SF3A3: variants seen among roughly 807,000 people sequenced by gnomAD.
The protein encoded by SF3A3 is SAP 61.
Under a neutral mutation model 85.8 loss-of-function variants are expected in SF3A3, and 9 were observed. The observed-to-expected ratio is 0.10, with a 90% confidence interval of 0.06 to 0.18. The LOEUF (loss-of-function observed/expected upper bound fraction) is 0.18, where lower values mean the gene tolerates loss of function less well. Ranked by LOEUF, SF3A3 falls within the 10% of genes least tolerant of loss-of-function variation. The pLI is 1.00. For synonymous variants in SF3A3, 195 were observed against 204.4 expected (o/e 0.95, Z 0.39); for missense variants, 306 against 593.3 (o/e 0.52, Z 5.03).
At chr1:37,964,565 G>A (rs1646285735) in intron 15 of SF3A3, among the ~76,000 whole-genome samples, 1 of 152,024 alleles carries the variant, frequency 6.6e-6, no homozygotes, top group Non-Finnish European at 1.5e-5. Context: ...CTGAGATCAC[G>A]CCACTGCACT....
In SF3A3 at chr1:37,984,787, GA is replaced by G; in HGVS notation, c.304-9del. The G allele has an allele frequency of 6.2e-7, 1 of 1,611,506 alleles. No homozygotes were observed. Among genetic ancestry groups the G allele is most frequent in the Non-Finnish European group, 8.5e-7 (1 of 1,177,712 alleles). Reference sequence around the variant, plus strand: ...TGACATTGGCACACAGATCTGAGGGGAAAAGTAAAAGCTCAGGTGGATTTTT... The same window carrying G: ...TGACATTGGCACACAGATCTGAGGGGAAAGTAAAAGCTCAGGTGGATTTTT... On this transcript the variant is annotated splice_polypyrimidine_tract_variant and intron_variant, in intron 4 of 16. Transcript: ENST00000373019.
chr1:37,984,955 A>G (rs4615810), intron 4 of SF3A3, among the ~76,000 whole-genome samples, 176 bp from the exon 5 acceptor site: 152,057 of 152,276 alleles, frequency 1, 75,921 homozygotes, highest in Middle Eastern at 1. Context: ...TTATAGGCAC[A>G]CACCACCACG....
At chr1:37,966,517 T>C (rs1646301364) in intron 15 of SF3A3, among the ~76,000 whole-genome samples, 1 of 152,164 alleles carries the variant, frequency 6.6e-6, no homozygotes, top group South Asian at 2.1e-4. Flanking sequence ...CATACAACCA[T>C]TCAATCAAAA....
rs369264451 is a variant in SF3A3 at position 37,979,730 on chromosome 1, G to C, written c.691-197C>G. Among the ~76,000 whole-genome samples the C allele has an allele frequency of 1.4e-4, 21 of 152,238 alleles. No individual in the cohort carries two copies. The East Asian group carries it at 1.9e-3, about 14-fold the overall frequency. ...GAATTAGCTGGGCATGATGGCATGT[G>C]CCTGTGGTCCCAGCTACTCAGGAGT... On this transcript the variant is annotated intron_variant, in intron 8 of 16. Coordinates refer to ENST00000373019, the MANE Select transcript of SF3A3 (RefSeq NM_006802.4).
In SF3A3 at chr1:37,981,731, C is replaced by G. The variant is rs746948699; in HGVS notation, c.549G>C (p.Lys183Asn). Residue 183 changes from lysine to asparagine, a missense_variant and splice_region_variant, in exon 7 of 17, where the codon AAG becomes AAC. Lys to Asn is a moderately conservative substitution (Grantham distance 94). Coordinates refer to ENST00000373019, the MANE Select transcript of SF3A3 (RefSeq NM_006802.4). The part of the protein sequence containing the change: ...IPKERKNAEY[K>N]RYLEMLLEYL... ...GCCTAGAAACTATTAATGCCTACCT[C>G]TTATACTCTGCATTCTTCCTTTCTT... 1 of 1,544,696 alleles carries G rather than the reference C, an allele frequency of 6.5e-7. No individual in the cohort carries two copies. Among genetic ancestry groups the G allele is most frequent in the Non-Finnish European group, 8.9e-7 (1 of 1,118,514 alleles).
At chr1:37,961,757 G>A (rs1273621888) in intron 15 of SF3A3, among the ~76,000 whole-genome samples, 1 of 1,544 alleles carries the variant, frequency 6.5e-4, no homozygotes, top group Non-Finnish European at 1.7e-3. Flanking sequence ...AAGCAAGACT[G>A]CCAAAAAAAA....
chr1:37,974,403 T>C (rs1337528127), intron 12 of SF3A3, among the ~76,000 whole-genome samples: 7 of 150,950 alleles, frequency 4.6e-5, no homozygotes, highest in East Asian at 3.9e-4. Context: ...CCTGGGTTCA[T>C]GCCATTCTCC....
At chr1:37,969,858 A>G in intron 12 of SF3A3, 123 bp from the exon 13 acceptor site, 4 of 1,063,122 alleles carry the variant, frequency 3.8e-6, no homozygotes, top group Non-Finnish European at 4.0e-6. Flanking sequence ...TTCTTACAGA[A>G]TAAAGGAAAA....
At chr1:37,961,901 C>CA (rs936263376) in intron 15 of SF3A3, among the ~76,000 whole-genome samples, 3 of 150,772 alleles carry the variant, frequency 2.0e-5, no homozygotes, top group Non-Finnish European at 4.4e-5. Context: ...GCCTGACCAA[C>CA]ATGGAGAAAC....
At chr1:37,976,624 A>G (rs1486902613) in intron 12 of SF3A3, among the ~76,000 whole-genome samples, 1 of 152,050 alleles carries the variant, frequency 6.6e-6, no homozygotes, top group Non-Finnish European at 1.5e-5. Flanking sequence ...AATCTGCACT[A>G]TTCTGGACAT....
chr1:37,959,198 C>G (rs1646240555), intron 16 of SF3A3, among the ~76,000 whole-genome samples: 1 of 151,202 alleles, frequency 6.6e-6, no homozygotes. Context: ...CCTGCTTCAG[C>G]CTCCTGAACA....
chr1:37,984,741 C>T lies in SF3A3; in HGVS notation c.342G>A (p.Leu114=). The change falls in exon 5 of 17, where the codon CTG becomes CTA. Residue 114 remains leucine, a synonymous_variant. Coordinates refer to ENST00000373019, the MANE Select transcript of SF3A3 (RefSeq NM_006802.4). ...VPMSVEFEEL[L]KARENPSEEA... ...CTTCACTTGGATTCTCTCGAGCCTT[C>T]AGGAGTTCCTCAAATTCCACTGACA... 1.2e-6 allele frequency: 2 copies of T among 1,613,982 alleles called. No homozygotes were observed. The highest frequency in any genetic ancestry group is 1.7e-6 in the Non-Finnish European group (2 of 1,179,826).
At chr1:37,981,849 G>GT (rs749440507) in intron 6 of SF3A3, 38 bp from the exon 7 acceptor site, 17 of 1,160,306 alleles carry the variant, frequency 1.5e-5, no homozygotes, top group Non-Finnish European at 2.0e-5. Context: ...ATTCAGTTAG[G>GT]TATTTATACT....
chr1:37,969,441 C>T lies in SF3A3; in HGVS notation c.1194G>A (p.Lys398=), dbSNP rs947454252. Residue 398 remains lysine (K), a synonymous_variant, in exon 14 of 17, where the codon AAG becomes AAA. Transcript: ENST00000373019. The stretch of plus-strand genomic sequence containing the variant: ...TGTAGTTGATATTTAGGCCATGAAG[C>T]TTATACAGCCAGTAGGGAATAGGCT... ...DGKPIPYWLY[K]LHGLNINYNC... The T allele has an allele frequency of 5.6e-6, 9 of 1,613,360 alleles. No individual in the cohort carries two copies. The highest frequency in any genetic ancestry group is 7.6e-6 in the Non-Finnish European group (9 of 1,179,960).
chr1:37,984,318 C>G, intron 5 of SF3A3, 58 bp from the exon 6 acceptor site: 2 of 998,140 alleles, frequency 2.0e-6, no homozygotes, highest in South Asian at 2.7e-5. Flanking sequence ...CTTGGACTTA[C>G]CTTTTCAAAT....
At chr1:37,963,907 C>T (rs1004844256) in intron 15 of SF3A3, among the ~76,000 whole-genome samples, 2 of 135,178 alleles carry the variant, frequency 1.5e-5, no homozygotes, top group Non-Finnish European at 3.1e-5. Context: ...TAGAGCCAAG[C>T]ATGGTGGCTC....
In SF3A3 at chr1:37,984,175, T is replaced by A. The variant is rs913070868; in HGVS notation, c.462A>T (p.Ala154=). 2 of 1,592,934 alleles carry A rather than the reference T, an allele frequency of 1.3e-6. No individual in the cohort carries two copies. The highest frequency in any genetic ancestry group is 1.3e-5 in the African/African-American group (1 of 74,558). Residue 154 remains alanine (A), a synonymous_variant, in exon 6 of 17, where the codon GCA becomes GCT. Coordinates refer to ENST00000373019, the MANE Select transcript of SF3A3 (RefSeq NM_006802.4). ...GCCCTTTCCCAGGCCTTACCTCAGA[T>A]GCCTTCAGGTTAATGTACTTGAGGT... ...DCYLKYINLK[A]SEKLDYITYL...
intron 16 of SF3A3, 108 bp from the exon 17 acceptor site, chr1:37,958,371 G>C (rs1646234541): frequency 1.3e-6 from 1 of 770,410 alleles, no homozygotes; most frequent in Admixed American, 1.9e-5. Flanking sequence ...GGCATACTCT[G>C]GTACACTAAG....
At chr1:37,974,395 T>C (rs1485422426) in intron 12 of SF3A3, among the ~76,000 whole-genome samples, 1 of 150,884 alleles carries the variant, frequency 6.6e-6, no homozygotes, top group Admixed American at 6.7e-5. Flanking sequence ...CTCTGCCTCC[T>C]GGGTTCATGC....
Sources: gnomAD v4.1 joint callset for allele counts (sites outside exome capture counted in the v4.1 genomes callset) on GRCh38, gnomAD v4.1.1 for gene constraint, MANE v1.5 for transcripts, NCBI Gene and HGNC (gene_info 2026-07-23, HGNC 2026-07-21) for gene names.